Variants in SUGCT observed in about 807,000 individuals in gnomAD.
SUGCT encodes the protein succinyl-CoA:glutarate-CoA transferase, also known as succinyl-CoA:glutarate CoA-transferase.
In SUGCT, 41 loss-of-function variants were observed where a neutral mutation model predicts 55.0. The ratio of observed to expected loss-of-function variants is 0.74; its 90% CI spans 0.58 to 0.97. The LOEUF is 0.97. SUGCT is among the 50% of genes least tolerant of loss of function. SUGCT has a pLI of 0.00. For missense variants in SUGCT, 568 were observed against 547.8 expected (o/e 1.04, Z -0.37); for synonymous variants, 187 against 200.4 (o/e 0.93, Z 0.56).
intron 9 of SUGCT, among the ~76,000 whole-genome samples, chr7:40,385,604 A>G (rs567165689): frequency 6.6e-6 from 1 of 152,224 alleles, no homozygotes. Context: ...TGCTTCTCCC[A>G]TATGCAAAAA....
the SUGCT span, among the ~76,000 whole-genome samples, chr7:40,939,381 G>A: frequency 6.6e-6 from 1 of 152,126 alleles, no homozygotes; most frequent in Admixed American, 6.5e-5. Context: ...GATTTGGGTG[G>A]GGACACAGCC....
At chr7:40,944,120 T>A in the SUGCT span, among the ~76,000 whole-genome samples, 6 of 152,352 alleles carry the variant, frequency 3.9e-5, no homozygotes, top group South Asian at 6.2e-4. Context: ...CACTTTTTGA[T>A]GGGGTTGTTT....
intron 12 of SUGCT, among the ~76,000 whole-genome samples, chr7:40,537,965 T>C (rs949553556): frequency 6.6e-6 from 1 of 152,214 alleles, no homozygotes; most frequent in African/African-American, 2.4e-5. Flanking sequence ...ATTTCTGTGT[T>C]CTTTTTTTTG....
At chr7:40,461,200 A>C (rs1289967612) in intron 11 of SUGCT, among the ~76,000 whole-genome samples, 1 of 152,196 alleles carries the variant, frequency 6.6e-6, no homozygotes, top group African/African-American at 2.4e-5. Context: ...TTTCTGAACA[A>C]ATATCACTGG....
intron 6 of SUGCT, among the ~76,000 whole-genome samples, chr7:40,225,575 A>G (rs1033989651): frequency 7.2e-5 from 11 of 151,804 alleles, no homozygotes; most frequent in African/African-American, 2.4e-4. Context: ...AGCTGGGATT[A>G]CAGGTGCATG....
intron 9 of SUGCT, among the ~76,000 whole-genome samples, chr7:40,411,200 C>G (rs1331643128): frequency 6.6e-6 from 1 of 152,120 alleles, no homozygotes; most frequent in Non-Finnish European, 1.5e-5. Context: ...CAAGACCAAC[C>G]TGGCCAACAT....
At chr7:40,359,383 T>G (rs1798039633) in intron 9 of SUGCT, among the ~76,000 whole-genome samples, 1 of 152,118 alleles carries the variant, frequency 6.6e-6, no homozygotes, top group African/African-American at 2.4e-5. Flanking sequence ...TTTTATATTT[T>G]TAGTACCGAC....
intron 13 of SUGCT, among the ~76,000 whole-genome samples, chr7:40,790,291 TCTC>T (rs1207196379): frequency 4.6e-5 from 7 of 152,134 alleles, no homozygotes; most frequent in Non-Finnish European, 8.8e-5. Context: ...GCTTGGCACT[TCTC>T]CTTGCTGCTG....
intron 1 of SUGCT, among the ~76,000 whole-genome samples, chr7:40,178,330 CT>C (rs1439848496): frequency 6.6e-6 from 1 of 152,070 alleles, no homozygotes; most frequent in African/African-American, 2.4e-5. Flanking sequence ...TAGAGTCTTC[CT>C]TATATTCAGG....
At chr7:40,345,648 G>T (rs1797270326) in intron 9 of SUGCT, among the ~76,000 whole-genome samples, 1 of 151,818 alleles carries the variant, frequency 6.6e-6, no homozygotes, top group South Asian at 2.1e-4. Flanking sequence ...TTTTTGTAAG[G>T]TTGTGTTTTT....
intron 12 of SUGCT, among the ~76,000 whole-genome samples, chr7:40,562,073 C>G (rs113785315): frequency 0.25 from 38,035 of 150,054 alleles, 6,732 homozygotes; most frequent in African/African-American, 0.5. Flanking sequence ...GCTGAAGCCG[C>G]TGGATCACAA....
At chr7:40,731,768 A>G (rs1002245176) in intron 12 of SUGCT, among the ~76,000 whole-genome samples, 11 of 152,246 alleles carry the variant, frequency 7.2e-5, no homozygotes, top group Admixed American at 7.2e-4. Flanking sequence ...AGAGTGAAAC[A>G]TAGGATGAAA....
intron 12 of SUGCT, among the ~76,000 whole-genome samples, chr7:40,658,395 G>A (rs926939725): frequency 6.6e-5 from 10 of 152,018 alleles, no homozygotes; most frequent in African/African-American, 2.4e-4. Context: ...ATTTTAATAT[G>A]AGACCTAATA....
chr7:40,760,882 A>T (rs188033126), intron 13 of SUGCT, among the ~76,000 whole-genome samples: 14 of 152,334 alleles, frequency 9.2e-5, no homozygotes, highest in Admixed American at 9.2e-4. Context: ...ATTAAATAAT[A>T]ATAAATGTCC....
intron 9 of SUGCT, among the ~76,000 whole-genome samples, chr7:40,345,129 A>G (rs973218001): frequency 3.3e-5 from 5 of 152,226 alleles, no homozygotes; most frequent in Admixed American, 6.5e-5. Context: ...CCAGATGAGC[A>G]TAAGAAGTAA....
intron 13 of SUGCT, among the ~76,000 whole-genome samples, chr7:40,818,393 T>C (rs983383391): frequency 3.6e-4 from 55 of 152,354 alleles, no homozygotes; most frequent in African/African-American, 1.3e-3. Flanking sequence ...GAATCACTTG[T>C]GTTGCCTCAC....
the SUGCT span, among the ~76,000 whole-genome samples, chr7:40,867,163 T>C: frequency 1.3e-5 from 2 of 148,758 alleles, no homozygotes; most frequent in East Asian, 1.9e-4. Context: ...ATAAGATTAA[T>C]ATATATAAGA....
At chr7:40,584,133 A>C (rs766874251) in intron 12 of SUGCT, among the ~76,000 whole-genome samples, 1 of 152,190 alleles carries the variant, frequency 6.6e-6, no homozygotes, top group Non-Finnish European at 1.5e-5. Flanking sequence ...TCAAGTTAAC[A>C]AAAGTCTGTA....
chr7:40,448,200 C>T (rs1788952727), intron 9 of SUGCT, among the ~76,000 whole-genome samples: 1 of 150,550 alleles, frequency 6.6e-6, no homozygotes, highest in African/African-American at 2.4e-5. Flanking sequence ...GGTCACTTTC[C>T]TTCCCTCTCC....
Sources: allele counts gnomAD v4.1 joint callset (sites outside exome capture counted in the v4.1 genomes callset), GRCh38; gene constraint gnomAD v4.1.1; transcripts MANE v1.5; gene names NCBI Gene and HGNC (gene_info 2026-07-23, HGNC 2026-07-21).